The following JMJD1C variants were observed in gnomAD, a reference collection of about 807,000 sequenced individuals.
JMJD1C encodes the protein jumonji domain containing 1C.
JMJD1C carries 31 observed loss-of-function variants against 245.3 expected under a neutral mutation model. That is an observed-to-expected ratio of 0.13 (90% CI 0.09 to 0.17). The LOEUF (loss-of-function observed/expected upper bound fraction) is 0.17. Ranked by LOEUF, JMJD1C falls within the 10% of genes least tolerant of loss-of-function variation. The pLI, the probability that JMJD1C is intolerant of heterozygous loss-of-function variation, is 1.00. For synonymous variants in JMJD1C, 1,057 were observed against 1,017.4 expected (o/e 1.04, Z -0.74); for missense variants, 2,691 against 3,000.2 (o/e 0.90, Z 2.41).
intron 2 of JMJD1C, among the ~76,000 whole-genome samples, chr10:63,353,009 T>C (rs555353949): frequency 4.7e-4 from 72 of 152,308 alleles, no homozygotes; most frequent in Non-Finnish European, 7.4e-4. Flanking sequence ...ACTGTATTCA[T>C]GGGACATACA....
At chr10:63,223,393 A>G (rs1035866911) in intron 3 of JMJD1C, among the ~76,000 whole-genome samples, 4 of 151,768 alleles carry the variant, frequency 2.6e-5, no homozygotes, top group Non-Finnish European at 5.9e-5. Flanking sequence ...ATGCACAACT[A>G]ATTTTTGTAT....
intron 4 of JMJD1C, among the ~76,000 whole-genome samples, chr10:63,219,668 C>T (rs1320155466): frequency 1.3e-5 from 2 of 152,094 alleles, no homozygotes; most frequent in African/African-American, 4.8e-5. Context: ...TCATGACAGG[C>T]ATTCAGTTCA....
At chr10:63,487,180 T>C (rs188984302) in intron 1 of JMJD1C, among the ~76,000 whole-genome samples, 81 of 152,186 alleles carry the variant, frequency 5.3e-4, no homozygotes, top group African/African-American at 1.9e-3. Flanking sequence ...CCATGAAAAA[T>C]GGGAGAATGG....
chr10:63,461,471 A>G (rs938091040), intron 1 of JMJD1C, among the ~76,000 whole-genome samples: 3 of 152,192 alleles, frequency 2.0e-5, no homozygotes, highest in Non-Finnish European at 2.9e-5. Flanking sequence ...CTAAGCAGAA[A>G]TGTGTAGACC....
chr10:63,446,986 T>C (rs1951754969), intron 1 of JMJD1C, among the ~76,000 whole-genome samples: 1 of 151,946 alleles, frequency 6.6e-6, no homozygotes, highest in African/African-American at 2.4e-5. Context: ...CTTTGTGACA[T>C]ACTCTGTTAT....
intron 1 of JMJD1C, among the ~76,000 whole-genome samples, chr10:63,407,959 A>T (rs1949267074): frequency 6.6e-6 from 1 of 152,194 alleles, no homozygotes; most frequent in Non-Finnish European, 1.5e-5. Context: ...GAAAAACAGA[A>T]TCAGTGTGGT....
At chr10:63,518,063 GATTAC>G (rs1441169437) in intron 1 of JMJD1C, among the ~76,000 whole-genome samples, 1 of 152,118 alleles carries the variant, frequency 6.6e-6, no homozygotes, top group Non-Finnish European at 1.5e-5. Flanking sequence ...AAAGTGCTGG[GATTAC>G]AGGCATGAGC....
chr10:63,327,671 A>T lies in JMJD1C; in HGVS notation c.333+52647T>A, dbSNP rs576423364. Among the ~76,000 whole-genome samples, 499 of 149,896 alleles carry T rather than the reference A, an allele frequency of 3.3e-3. 4 individuals are homozygous for T. Among genetic ancestry groups the T allele is most frequent in the African/African-American group, 0.012 (480 of 40,884 alleles). ...TACTGTATCAAGGGTACACAGAAAA[A>T]ATTTTTTTTTTTTTGAGATGGAGTT... is the stretch of plus-strand genomic sequence containing the variant. On this transcript the variant is annotated intron_variant, in intron 2 of 25. Transcript: ENST00000399262.
intron 2 of JMJD1C, among the ~76,000 whole-genome samples, chr10:63,376,118 C>A (rs1037057348): frequency 6.6e-6 from 1 of 152,064 alleles, no homozygotes; most frequent in African/African-American, 2.4e-5. Context: ...AATAGAAAGC[C>A]CAGAAACAAA....
chr10:63,187,492 C>T (rs1221093538), intron 18 of JMJD1C, among the ~76,000 whole-genome samples: 1 of 152,210 alleles, frequency 6.6e-6, no homozygotes, highest in Non-Finnish European at 1.5e-5. Context: ...GGCTGAAGTG[C>T]AGTGGCATGA....
Position 63,214,947 on chromosome 10 carries a change from GA to G in JMJD1C, c.1219del (p.Ser407GlnfsTer3), listed in dbSNP as rs1847808339. 1 of 1,601,092 alleles carries G rather than the reference GA, an allele frequency of 6.2e-7. No individual in the cohort carries two copies. Among genetic ancestry groups the G allele is most frequent in the Non-Finnish European group, 8.5e-7 (1 of 1,173,892 alleles). ...TTTTCCTTCTTCTCCATTTATTTTT[GA>G]AGTATTTTTATTTTTCAATTCATTC... ...PENELKNKNTSKINGEEGKPH... is the reference protein window; with the variant it reads ...PENELKNKNTXKINGEEGKPH... On this transcript the variant is annotated frameshift_variant, in exon 8 of 26. Coordinates refer to ENST00000399262, the MANE Select transcript of JMJD1C (RefSeq NM_032776.3). LOFTEE classifies it high-confidence loss of function.
intron 2 of JMJD1C, among the ~76,000 whole-genome samples, chr10:63,271,569 G>C (rs1424451019): frequency 6.6e-6 from 1 of 151,882 alleles, no homozygotes; most frequent in East Asian, 1.9e-4. Flanking sequence ...AAATTTTTTT[G>C]AGATAGAGTT....
Position 63,194,378 on chromosome 10 carries a change from G to T in JMJD1C, c.5645-3C>A. ...CATCCAAGCATATAGTTCTTTATCT[G>T]TAAGATAATAAAACTTGTATATCAC... On this transcript the variant is annotated splice_polypyrimidine_tract_variant and splice_region_variant and intron_variant, in intron 13 of 25. Coordinates refer to ENST00000399262, the MANE Select transcript of JMJD1C (RefSeq NM_032776.3). The T allele has an allele frequency of 6.3e-7, 1 of 1,577,514 alleles. No individual in the cohort carries two copies. Among genetic ancestry groups the T allele is most frequent in the South Asian group, 1.1e-5 (1 of 90,292 alleles).
intron 1 of JMJD1C, among the ~76,000 whole-genome samples, chr10:63,422,155 T>C (rs747590705): frequency 6.6e-6 from 1 of 152,210 alleles, no homozygotes; most frequent in Non-Finnish European, 1.5e-5. Context: ...CTCACACTTG[T>C]AAACCCAGCA....
At chr10:63,233,763 A>G (rs1306722789) in intron 3 of JMJD1C, among the ~76,000 whole-genome samples, 2 of 88,288 alleles carry the variant, frequency 2.3e-5, no homozygotes, top group East Asian at 4.3e-4. Flanking sequence ...GCGTGCACAC[A>G]CACACACACA....
At chr10:63,280,256 A>T (rs1350111406) in intron 2 of JMJD1C, among the ~76,000 whole-genome samples, 3 of 152,108 alleles carry the variant, frequency 2.0e-5, no homozygotes, top group Non-Finnish European at 2.9e-5. Flanking sequence ...GATTATTTAA[A>T]AAGTTAGTGT....
chr10:63,209,361 TG>T, intron 8 of JMJD1C, 126 bp from the exon 9 acceptor site: 1 of 603,710 alleles, frequency 1.7e-6, no homozygotes, highest in Non-Finnish European at 2.5e-6. Flanking sequence ...GCAGTTTCTT[TG>T]GGAAACTTGT....
Position 63,207,499 on chromosome 10 carries a change from C to T in JMJD1C, c.4170G>A (p.Thr1390=), listed in dbSNP as rs761026917. Reference sequence around the variant, plus strand: ...TTACATCCGTTTTGGTATTACACATCGTATTTACAGCAGACATGACTGAAC... The same window carrying T: ...TTACATCCGTTTTGGTATTACACATTGTATTTACAGCAGACATGACTGAAC... ...VPSSVMSAVN[T]MCNTKTDVIT... Residue 1390 remains threonine, a synonymous_variant, in exon 10 of 26, where the codon ACG becomes ACA. Transcript: ENST00000399262. 8 of 1,614,166 alleles carry T rather than the reference C, an allele frequency of 5.0e-6. No individual in the cohort carries two copies. Among genetic ancestry groups the T allele is most frequent in the East Asian group, 4.5e-5 (2 of 44,886 alleles).
chr10:63,235,625 A>C (rs1394733748), intron 3 of JMJD1C, among the ~76,000 whole-genome samples: 2 of 152,242 alleles, frequency 1.3e-5, no homozygotes, highest in Non-Finnish European at 2.9e-5. Context: ...GTAAATTAAA[A>C]GATTTTTTAA....
Sources: allele counts gnomAD v4.1 joint callset (sites outside exome capture counted in the v4.1 genomes callset), GRCh38; gene constraint gnomAD v4.1.1; transcripts MANE v1.5; gene names NCBI Gene and HGNC (gene_info 2026-07-23, HGNC 2026-07-21).